SH3YL1: variants seen among roughly 807,000 people sequenced by gnomAD.
SH3YL1 encodes SH3 and SYLF domain containing 1.
Under a neutral mutation model 45.8 loss-of-function variants are expected in SH3YL1, and 41 were observed. The observed-to-expected ratio is 0.89, with a 90% CI of 0.70 to 1.16. The LOEUF (loss-of-function observed/expected upper bound fraction) is 1.16. SH3YL1 is among the 50% of genes most tolerant of loss of function. SH3YL1 has a pLI of 0.00. For synonymous variants in SH3YL1, 152 were observed against 151.4 expected, an observed-to-expected ratio of 1.00 and a Z score of -0.03; for missense variants, 389 against 409.6, an observed-to-expected ratio of 0.95 and a Z score of 0.43.
Position 229,590 on chromosome 2 carries a change from G to A in SH3YL1, c.781+376C>T, listed in dbSNP as rs539775929. Among the ~76,000 whole-genome samples the A allele has an allele frequency of 2.7e-3, 407 of 150,912 alleles. 1 individual carries two copies. Among genetic ancestry groups the A allele is most frequent in the African/African-American group, 9.1e-3 (375 of 41,338 alleles). On this transcript the variant is annotated intron_variant, in intron 8 of 9. Transcript: ENST00000356150. ...TAAAAATACAAAAAATTAGCCGGGC[G>A]TAGTGGCGGGCGCCTGTAGTCCCAG...
At chr2:258,460 T>C (rs1052457580) in intron 1 of SH3YL1, among the ~76,000 whole-genome samples, 5 of 152,254 alleles carry the variant, frequency 3.3e-5, no homozygotes, top group African/African-American at 1.2e-4. Flanking sequence ...GATCTGTTTT[T>C]GACTGATTCT....
chr2:255,867 C>T (rs1669298960), intron 1 of SH3YL1: 1 of 152,226 alleles, frequency 6.6e-6, no homozygotes, highest in Non-Finnish European at 1.5e-5. Flanking sequence ...AGTGGCATCA[C>T]AGCATTAGTG....
upstream of SH3YL1, chr2:264,041 G>A (rs1395696502): frequency 1.3e-5 from 18 of 1,374,382 alleles, no homozygotes; most frequent in South Asian, 2.7e-4. Flanking sequence ...AGGAAGGCGC[G>A]CTGCCCCGCC....
At chr2:225,451 A>C (rs1467727289) in intron 8 of SH3YL1, among the ~76,000 whole-genome samples, 1 of 152,250 alleles carries the variant, frequency 6.6e-6, no homozygotes, top group Non-Finnish European at 1.5e-5. Flanking sequence ...CAGCTTTAAA[A>C]AGAACTTATC....
In SH3YL1 at chr2:227,889, A is replaced by ATGTG. The variant is rs3070147; in HGVS notation, c.781+2073_781+2076dup. Among the ~76,000 whole-genome samples the ATGTG allele has an allele frequency of 2.9e-3, 442 of 150,800 alleles. 5 individuals carry two copies. Among genetic ancestry groups the ATGTG allele is most frequent in the East Asian group, 0.011 (57 of 5,138 alleles). On this transcript the variant is annotated intron_variant, in intron 8 of 9. Coordinates refer to ENST00000356150, the MANE Select transcript of SH3YL1 (RefSeq NM_015677.4). The stretch of plus-strand genomic sequence containing the variant: ...AGCATACGTGCATTTCCATAAAATT[A>ATGTG]TGTGTGTGTGTGTGTGTGTGTAAGG...
chr2:225,059 C>A, intron 8 of SH3YL1, 139 bp from the exon 9 acceptor site: 2 of 693,584 alleles, frequency 2.9e-6, no homozygotes, highest in Non-Finnish European at 5.2e-6. Flanking sequence ...CATTTGATTG[C>A]GCTTTAAATC....
At chr2:255,037 T>C (rs1168867017) in intron 1 of SH3YL1, among the ~76,000 whole-genome samples, 1 of 152,118 alleles carries the variant, frequency 6.6e-6, no homozygotes, top group African/African-American at 2.4e-5. Flanking sequence ...TCCCTAAAAT[T>C]TATAAAACCA....
At chr2:252,935 T>C (rs1669136060) in intron 2 of SH3YL1, 70 bp downstream of exon 2, 1 of 937,314 alleles carries the variant, frequency 1.1e-6, no homozygotes, top group Non-Finnish European at 1.6e-6. Flanking sequence ...AAATGGAGTG[T>C]CGAACAATGC....
At chr2:261,675 G>T (rs1287672520) in intron 1 of SH3YL1, among the ~76,000 whole-genome samples, 1 of 152,198 alleles carries the variant, frequency 6.6e-6, no homozygotes, top group Non-Finnish European at 1.5e-5. Context: ...ACAGGGACAT[G>T]AGAATCCTAC....
chr2:231,387 A>T (rs1034479504), intron 6 of SH3YL1, among the ~76,000 whole-genome samples, 196 bp from the exon 7 acceptor site: 5 of 152,200 alleles, frequency 3.3e-5, no homozygotes, highest in Admixed American at 1.3e-4. Flanking sequence ...TCACTTCTAC[A>T]GGCAACTACC....
At chr2:227,717 GTTCATAA>G (rs1667848233) in intron 8 of SH3YL1, among the ~76,000 whole-genome samples, 1 of 135,742 alleles carries the variant, frequency 7.4e-6, no homozygotes, top group Non-Finnish European at 1.7e-5. Context: ...CAACGTGAAA[GTTCATAA>G]TTTATGTTGT....
chr2:226,447 C>A (rs1667788322), intron 8 of SH3YL1, among the ~76,000 whole-genome samples: 1 of 152,168 alleles, frequency 6.6e-6, no homozygotes, highest in Non-Finnish European at 1.5e-5. Context: ...GAGATGTTTA[C>A]ATTCACTAAT....
intron 1 of SH3YL1, among the ~76,000 whole-genome samples, chr2:258,969 T>C (rs1459630676): frequency 6.6e-6 from 1 of 152,214 alleles, no homozygotes; most frequent in Non-Finnish European, 1.5e-5. Flanking sequence ...GCTCTGCAAA[T>C]TCCAGTTACC....
chr2:243,939 A>C (rs1267604889), intron 4 of SH3YL1, among the ~76,000 whole-genome samples: 1 of 152,198 alleles, frequency 6.6e-6, no homozygotes, highest in Non-Finnish European at 1.5e-5. Flanking sequence ...GCACCTGTGA[A>C]ACCAAGAACA....
At chr2:225,012 C>A (rs1667734288) in intron 8 of SH3YL1, 92 bp from the exon 9 acceptor site, 2 of 936,662 alleles carry the variant, frequency 2.1e-6, no homozygotes, top group African/African-American at 1.6e-5. Flanking sequence ...CCTTGCTGAG[C>A]AAATATTTTA....
At chr2:230,712 T>C in intron 7 of SH3YL1, 1 of 314,830 alleles carries the variant, frequency 3.2e-6, no homozygotes, top group East Asian at 7.8e-5. Flanking sequence ...TTTTGCCATG[T>C]TGGCCAGGCT....
intron 4 of SH3YL1, among the ~76,000 whole-genome samples, chr2:244,069 T>C (rs1668667952): frequency 6.6e-6 from 1 of 152,174 alleles, no homozygotes; most frequent in Non-Finnish European, 1.5e-5. Flanking sequence ...CGCTTCCCAA[T>C]CTGCCCCTCT....
intron 1 of SH3YL1, among the ~76,000 whole-genome samples, chr2:254,055 T>A (rs1669199523): frequency 6.6e-6 from 1 of 152,116 alleles, no homozygotes; most frequent in Admixed American, 6.5e-5. Flanking sequence ...CAGACTTCAA[T>A]ACTAATTTAA....
rs7595075 is a variant in SH3YL1, at chr2:264,019, C to G, written c.-35G>C. On this transcript the variant is annotated 5_prime_UTR_variant, in exon 1 of 10. Transcript: ENST00000356150. ...CCGGCCGCGGCGCCCCGTCCCGAGG[C>G]TGCCCAGGAAGAGGAAGGCGCGCTG... 1 of 1,421,462 alleles carries G rather than the reference C, an allele frequency of 7.0e-7. No homozygotes were observed. Among genetic ancestry groups the G allele is most frequent in the Non-Finnish European group, 9.3e-7 (1 of 1,080,522 alleles). 88.1% of individuals were successfully genotyped at this position (1,421,462 alleles called of 1,614,324 possible).
Sources: allele counts gnomAD v4.1 joint callset (sites outside exome capture counted in the v4.1 genomes callset), GRCh38; gene constraint gnomAD v4.1.1; transcripts MANE v1.5; gene names NCBI Gene and HGNC (gene_info 2026-07-23, HGNC 2026-07-21).